ATP2B2: variants seen among roughly 807,000 people sequenced by gnomAD.
ATP2B2 encodes the protein ATPase plasma membrane Ca2+ transporting 2, also known as plasma membrane calcium-transporting ATPase 2.
ATP2B2 carries 15 observed loss-of-function variants against 120.0 expected under a neutral mutation model. That is an observed-to-expected ratio of 0.12 (90% CI 0.08 to 0.19). The LOEUF is 0.19. Ranked by LOEUF, ATP2B2 falls within the 10% of genes least tolerant of loss-of-function variation. The pLI, the probability that ATP2B2 is intolerant of heterozygous loss-of-function variation, is 1.00. For synonymous variants in ATP2B2, 694 were observed against 700.3 expected (o/e 0.99, Z 0.14); for missense variants, 1,045 against 1,719.8 (o/e 0.61, Z 6.94).
At chr3:10,626,638 T>C (rs1331780013) in intron 1 of ATP2B2, 2 of 151,728 alleles carry the variant, frequency 1.3e-5, no homozygotes, top group African/African-American at 2.4e-5. Flanking sequence ...GGTGGATGAA[T>C]TGGTAGTTAG....
intron 1 of ATP2B2, among the ~76,000 whole-genome samples, chr3:10,673,643 T>G (rs953085482): frequency 6.6e-6 from 1 of 151,016 alleles, no homozygotes; most frequent in African/African-American, 2.4e-5. Context: ...CTACCAAAAA[T>G]AGAAACAAAT....
chr3:10,695,350 T>C (rs1427729431), intron 1 of ATP2B2, among the ~76,000 whole-genome samples: 2 of 151,558 alleles, frequency 1.3e-5, no homozygotes, highest in Non-Finnish European at 1.5e-5. Flanking sequence ...TTCACTATCA[T>C]GAGAACAGCA....
chr3:10,684,243 G>A (rs1004679613), intron 1 of ATP2B2, among the ~76,000 whole-genome samples: 1 of 152,208 alleles, frequency 6.6e-6, no homozygotes, highest in Non-Finnish European at 1.5e-5. Flanking sequence ...AAAGGAAGGA[G>A]AAGACTAATC....
At chr3:10,606,174 T>C (rs1300754136) in intron 2 of ATP2B2, among the ~76,000 whole-genome samples, 2 of 152,030 alleles carry the variant, frequency 1.3e-5, no homozygotes, top group Non-Finnish European at 2.9e-5. Context: ...CTGTTTCCAG[T>C]GGAGGAGTTC....
intron 1 of ATP2B2, among the ~76,000 whole-genome samples, chr3:10,476,168 G>A (rs550205359): frequency 1.8e-4 from 27 of 152,222 alleles, no homozygotes; most frequent in Non-Finnish European, 2.8e-4. Context: ...TGGTGAAACT[G>A]GGAAGCATTT....
chr3:10,430,899 C>A (rs560223251), intron 2 of ATP2B2, among the ~76,000 whole-genome samples: 1 of 151,818 alleles, frequency 6.6e-6, no homozygotes, highest in South Asian at 2.1e-4. Flanking sequence ...TTGGCTCTCA[C>A]TCAGCTGACA....
At chr3:10,425,154 A>G (rs2063107811) in intron 2 of ATP2B2, among the ~76,000 whole-genome samples, 1 of 151,560 alleles carries the variant, frequency 6.6e-6, no homozygotes, top group Non-Finnish European at 1.5e-5. Flanking sequence ...ACGTATATAT[A>G]TATAAATTAG....
chr3:10,482,135 G>T (rs1387993205), intron 1 of ATP2B2, among the ~76,000 whole-genome samples: 1 of 152,210 alleles, frequency 6.6e-6, no homozygotes, highest in Non-Finnish European at 1.5e-5. Context: ...CGCGGTAGGT[G>T]CTTAATGTCT....
intron 2 of ATP2B2, among the ~76,000 whole-genome samples, chr3:10,422,742 A>G (rs1319576866): frequency 2.6e-5 from 4 of 152,352 alleles, no homozygotes; most frequent in African/African-American, 9.6e-5. Flanking sequence ...ATGTGGACGC[A>G]ATGTCCATTC....
At chr3:10,691,324 G>A (rs1473126096) in intron 1 of ATP2B2, among the ~76,000 whole-genome samples, 1 of 152,214 alleles carries the variant, frequency 6.6e-6, no homozygotes, top group African/African-American at 2.4e-5. Context: ...CCATGAGTAC[G>A]ATGAGGTGGG....
At chr3:10,593,107 G>C (rs1356757320) in intron 2 of ATP2B2, among the ~76,000 whole-genome samples, 2 of 152,160 alleles carry the variant, frequency 1.3e-5, no homozygotes, top group East Asian at 3.8e-4. Flanking sequence ...TCTTCTAATG[G>C]GTCTCAGGGA....
At chr3:10,601,272 C>T (rs1045109335) in intron 2 of ATP2B2, among the ~76,000 whole-genome samples, 1 of 152,162 alleles carries the variant, frequency 6.6e-6, no homozygotes, top group African/African-American at 2.4e-5. Flanking sequence ...TCAGAATTGG[C>T]ACAGAGGAGT....
rs983251013 is a variant in ATP2B2, at chr3:10,450,411, A to G, written c.-319-549T>C. The stretch of plus-strand genomic sequence containing the variant: ...ACTCTCCCCCAAATACACGGTTCCC[A>G]GGTTCCCCGCCCCTACAAATCCTCC... On this transcript the variant is annotated intron_variant, in intron 1 of 22. Coordinates refer to ENST00000360273, the MANE Select transcript of ATP2B2 (RefSeq NM_001001331.4). Among the ~76,000 whole-genome samples the G allele has an allele frequency of 3.3e-5, 5 of 151,962 alleles. No individual in the cohort carries two copies. In the South Asian group the frequency reaches 8.3e-4, roughly 25 times the overall value.
intron 2 of ATP2B2, among the ~76,000 whole-genome samples, chr3:10,545,839 CA>C (rs56403726): frequency 0.017 from 2,598 of 152,016 alleles, 44 homozygotes; most frequent in Admixed American, 0.038. Flanking sequence ...AGGCATCTAT[CA>C]AAAAACATGT....
At chr3:10,350,368 CCT>C (rs2060545737) in intron 15 of ATP2B2, 28 bp downstream of exon 15, 1 of 1,614,132 alleles carries the variant, frequency 6.2e-7, no homozygotes, top group Non-Finnish European at 8.5e-7. Flanking sequence ...AGCGCGTTCC[CCT>C]GAGGATGCTT....
At chr3:10,391,161 A>G (rs1210424437) in intron 5 of ATP2B2, among the ~76,000 whole-genome samples, 1 of 152,142 alleles carries the variant, frequency 6.6e-6, no homozygotes, top group African/African-American at 2.4e-5. Context: ...GCTGCCCTCC[A>G]CGCTCAATGA....
In ATP2B2 at chr3:10,466,312, G is replaced by T. The variant is rs1045783597; in HGVS notation, c.-319-16450C>A. 5.5e-4 allele frequency among the ~76,000 whole-genome samples: 83 copies of T among 152,196 alleles called. 1 individual carries two copies. Among genetic ancestry groups the T allele is most frequent in the Non-Finnish European group, 2.9e-5 (2 of 68,038 alleles). On this transcript the variant is annotated intron_variant, in intron 1 of 22. Coordinates refer to ENST00000360273, the MANE Select transcript of ATP2B2 (RefSeq NM_001001331.4). ...CTTGTCCACTGAAGTTCATGTCTACGTGTGCATGCATAGATGCGTGTCTGT... is the reference window on the plus strand; with the variant it reads ...CTTGTCCACTGAAGTTCATGTCTACTTGTGCATGCATAGATGCGTGTCTGT...
intron 1 of ATP2B2, among the ~76,000 whole-genome samples, chr3:10,654,232 G>C (rs942830269): frequency 2.0e-5 from 3 of 152,270 alleles, no homozygotes; most frequent in African/African-American, 4.8e-5. Flanking sequence ...CCTGACTCCA[G>C]AGTCCTTACT....
intron 2 of ATP2B2, among the ~76,000 whole-genome samples, chr3:10,431,473 T>G (rs957284788): frequency 6.6e-6 from 1 of 152,190 alleles, no homozygotes; most frequent in Non-Finnish European, 1.5e-5. Context: ...CGACTTGCTG[T>G]GGGCTCAGAC....
Sources: gnomAD v4.1 joint callset for allele counts (sites outside exome capture counted in the v4.1 genomes callset) on GRCh38, gnomAD v4.1.1 for gene constraint, MANE v1.5 for transcripts, NCBI Gene and HGNC (gene_info 2026-07-23, HGNC 2026-07-21) for gene names.